The following CFAP299 variants were observed in gnomAD, a reference collection of about 807,000 sequenced individuals.
CFAP299 encodes cilia and flagella associated protein 299.
CFAP299 carries 21 observed loss-of-function variants against 27.0 expected under a neutral mutation model. That is an observed-to-expected ratio of 0.78 (90% CI 0.55 to 1.12). The LOEUF (loss-of-function observed/expected upper bound fraction) is 1.12, where lower values mean the gene tolerates loss of function less well. CFAP299 is among the 50% of genes most tolerant of loss of function. CFAP299 has a pLI of 0.00. For synonymous variants in CFAP299, 104 were observed against 98.1 expected (o/e 1.06, Z -0.36); for missense variants, 310 against 276.6 (o/e 1.12, Z -0.86).
intron 2 of CFAP299, among the ~76,000 whole-genome samples, chr4:80,399,248 G>GCAAACTAGTTCAAC (rs1444056207): frequency 2.0e-5 from 3 of 152,226 alleles, no homozygotes; most frequent in Non-Finnish European, 2.9e-5. Context: ...TGGTGGGACT[G>GCAAACTAGTTCAAC]CAAACTAGTT....
At chr4:80,467,251 G>A (rs1186853053) in intron 2 of CFAP299, among the ~76,000 whole-genome samples, 2 of 152,118 alleles carry the variant, frequency 1.3e-5, no homozygotes, top group Non-Finnish European at 1.5e-5. Flanking sequence ...GCTATCAATC[G>A]TGACTTTCCC....
intron 3 of CFAP299, among the ~76,000 whole-genome samples, chr4:80,624,276 G>A (rs1222973500): frequency 6.6e-6 from 1 of 151,756 alleles, no homozygotes; most frequent in Admixed American, 6.6e-5. Context: ...TATTTGACCA[G>A]AATGATAATA....
intron 2 of CFAP299, among the ~76,000 whole-genome samples, chr4:80,521,819 A>G (rs1328470352): frequency 6.6e-6 from 1 of 151,916 alleles, no homozygotes; most frequent in East Asian, 1.9e-4. Flanking sequence ...TTCAAATAAT[A>G]TTCCATTGTA....
At chr4:80,783,087 T>A (rs1177448558) in intron 3 of CFAP299, among the ~76,000 whole-genome samples, 1 of 152,152 alleles carries the variant, frequency 6.6e-6, no homozygotes, top group African/African-American at 2.4e-5. Flanking sequence ...AGCAGCTTAT[T>A]TGAGTAATTC....
At chr4:80,384,979 A>C (rs961420349) in intron 2 of CFAP299, among the ~76,000 whole-genome samples, 1 of 152,174 alleles carries the variant, frequency 6.6e-6, no homozygotes, top group African/African-American at 2.4e-5. Context: ...CATTTAATTG[A>C]AAGAATATAT....
At chr4:80,761,810 G>A (rs1162339699) in intron 3 of CFAP299, among the ~76,000 whole-genome samples, 1 of 151,768 alleles carries the variant, frequency 6.6e-6, no homozygotes, top group East Asian at 1.9e-4. Context: ...AATTAAAATG[G>A]GATTTTAATA....
chr4:80,407,615 G>C (rs138285246), intron 2 of CFAP299, among the ~76,000 whole-genome samples: 1 of 152,182 alleles, frequency 6.6e-6, no homozygotes, highest in Non-Finnish European at 1.5e-5. Context: ...AAGTCACAAG[G>C]CTAGCCCTGA....
chr4:80,567,731 T>TTA lies in CFAP299; in HGVS notation c.243-15343_243-15342dup, dbSNP rs10605376. ...ACTTAAAAATGCTATTCTAATGTAT[T>TTA]TATATATATATATATATATAAGTAC... On this transcript the variant is annotated intron_variant, in intron 2 of 5. Transcript: ENST00000358105. 5.4e-4 allele frequency among the ~76,000 whole-genome samples: 81 copies of TTA among 148,832 alleles called. 1 individual carries two copies. The highest frequency in any genetic ancestry group is 9.2e-4 in the Non-Finnish European group (62 of 67,198).
intron 3 of CFAP299, among the ~76,000 whole-genome samples, chr4:80,669,397 C>G (rs1007505244): frequency 6.6e-6 from 1 of 151,676 alleles, no homozygotes; most frequent in Non-Finnish European, 1.5e-5. Flanking sequence ...AAGTGATCCA[C>G]CTGCTTAGAC....
rs532255814 is a variant in CFAP299 at position 80,423,886 on chromosome 4, G to A, written c.242+61002G>A. Among the ~76,000 whole-genome samples, 5 of 152,288 alleles carry A rather than the reference G, an allele frequency of 3.3e-5. No homozygotes were observed. In the East Asian group the frequency reaches 5.8e-4, roughly 18 times the overall value. On this transcript the variant is annotated intron_variant, in intron 2 of 5. Transcript: ENST00000358105. ...GCCTATGAGCTGTCTGTGTTCCAAG[G>A]GAGAAGGCCACCTTCAGTCTACTGC... is the stretch of plus-strand genomic sequence containing the variant.
chr4:80,432,467 T>A (rs553514829), intron 2 of CFAP299, among the ~76,000 whole-genome samples: 2 of 151,918 alleles, frequency 1.3e-5, no homozygotes, highest in East Asian at 3.9e-4. Flanking sequence ...TTTGTTTTAT[T>A]TATGCTATTT....
intron 3 of CFAP299, among the ~76,000 whole-genome samples, chr4:80,698,717 C>G (rs1317964263): frequency 1.3e-5 from 2 of 152,148 alleles, no homozygotes; most frequent in African/African-American, 4.8e-5. Context: ...CCTCAGGAAA[C>G]TTACAGTCAT....
chr4:80,946,841 A>G (rs1460224189), intron 5 of CFAP299, among the ~76,000 whole-genome samples: 1 of 152,218 alleles, frequency 6.6e-6, no homozygotes. Flanking sequence ...AGAAAACTTA[A>G]TAAATAGCAT....
rs982303013 is a variant in CFAP299 at position 80,560,886 on chromosome 4, C to A, written c.243-22207C>A. Among the ~76,000 whole-genome samples the A allele has an allele frequency of 2.6e-5, 4 of 152,122 alleles. No homozygotes were observed. In the South Asian group the frequency reaches 6.2e-4, roughly 24 times the overall value. ...CTGGACCCACGTGGGTCCTGTGGGACCTCGCCACCCTAAAGGGAAGGACAC... is the reference window on the plus strand; with the variant it reads ...CTGGACCCACGTGGGTCCTGTGGGAACTCGCCACCCTAAAGGGAAGGACAC... On this transcript the variant is annotated intron_variant, in intron 2 of 5. Transcript: ENST00000358105.
intron 3 of CFAP299, among the ~76,000 whole-genome samples, chr4:80,679,832 T>G (rs1013538617): frequency 6.6e-6 from 1 of 151,878 alleles, no homozygotes; most frequent in Non-Finnish European, 1.5e-5. Flanking sequence ...TTTTCATACA[T>G]TGCATTTTCA....
At chr4:80,888,943 A>T (rs2110183743) in intron 4 of CFAP299, among the ~76,000 whole-genome samples, 1 of 147,454 alleles carries the variant, frequency 6.8e-6, no homozygotes, top group Non-Finnish European at 1.5e-5. Context: ...GAAACACGAC[A>T]TGCCAAAACC....
intron 2 of CFAP299, among the ~76,000 whole-genome samples, chr4:80,440,279 C>T (rs539005521): frequency 1.3e-5 from 2 of 152,164 alleles, no homozygotes; most frequent in African/African-American, 4.8e-5. Context: ...CAGCAGGGCT[C>T]GACAGACACC....
intron 3 of CFAP299, among the ~76,000 whole-genome samples, chr4:80,845,250 C>T (rs184834078): frequency 6.7e-6 from 1 of 149,984 alleles, no homozygotes; most frequent in East Asian, 1.9e-4. Context: ...CATCCTCATT[C>T]ATACCACCAT....
rs1252180351 is a variant in CFAP299, at chr4:80,362,801, T to C, written c.159T>C (p.Thr53=). 6.2e-7 allele frequency: 1 copy of C among 1,613,382 alleles called. No homozygotes were observed. The highest frequency in any genetic ancestry group is 8.5e-7 in the Non-Finnish European group (1 of 1,179,882). Reference sequence around the variant, plus strand: ...TGGTGGAGCTAGGCTACCGAGGGACTGGAGAGAGAGTGAAAAGGGAAGATT... The same window carrying C: ...TGGTGGAGCTAGGCTACCGAGGGACCGGAGAGAGAGTGAAAAGGGAAGATT... ...RQLVELGYRG[T]GERVKREDFE... is the part of the protein sequence containing the mutation. The change falls in exon 2 of 6, where the codon ACT becomes ACC. Residue 53 remains threonine (T), a synonymous_variant. Coordinates refer to ENST00000358105, the MANE Select transcript of CFAP299 (RefSeq NM_152770.3).
Sources: allele counts gnomAD v4.1 joint callset (sites outside exome capture counted in the v4.1 genomes callset), GRCh38; gene constraint gnomAD v4.1.1; transcripts MANE v1.5; gene names NCBI Gene and HGNC (gene_info 2026-07-23, HGNC 2026-07-21).